Variants in NTRK2 observed in about 807,000 individuals in gnomAD.
The protein encoded by NTRK2 is neurotrophic receptor tyrosine kinase 2, also known as BDNF/NT-3 growth factors receptor.
In NTRK2, 13 loss-of-function variants were observed where a neutral mutation model predicts 94.5. The observed-to-expected ratio is 0.14, with a 90% CI of 0.09 to 0.22. The LOEUF (loss-of-function observed/expected upper bound fraction) is 0.22, where lower values mean the gene tolerates loss of function less well. Among genes scored for constraint, NTRK2 ranks in the 10% least tolerant of loss-of-function variants. The pLI is 1.00. For missense variants in NTRK2, 639 were observed against 1,071.2 expected, an observed-to-expected ratio of 0.60 and a Z score of 5.63; for synonymous variants, 372 against 407.4, an observed-to-expected ratio of 0.91 and a Z score of 1.05.
chr9:84,968,794 T>C (rs1225721474), intron 17 of NTRK2, among the ~76,000 whole-genome samples: 1 of 152,226 alleles, frequency 6.6e-6, no homozygotes, highest in Non-Finnish European at 1.5e-5. Context: ...GTATTATTTA[T>C]TCTGTTTTTG....
chr9:84,872,298 C>T (rs1564414204), intron 14 of NTRK2: 1 of 1,113,480 alleles, frequency 9.0e-7, no homozygotes, highest in Non-Finnish European at 1.1e-6. Context: ...TGAGCTGAAA[C>T]AAACAAACAG....
Position 84,908,737 on chromosome 9 carries a change from C to T in NTRK2, c.1634-25425C>T, listed in dbSNP as rs151040775. On this transcript the variant is annotated intron_variant, in intron 14 of 18. Transcript: ENST00000277120. ...CTTATGATGCAGGTGGGACCAAATCCATAATTGTTAATAATGAATGGTAGC... is the reference window on the plus strand; with the variant it reads ...CTTATGATGCAGGTGGGACCAAATCTATAATTGTTAATAATGAATGGTAGC... Among the ~76,000 whole-genome samples the T allele has an allele frequency of 5.3e-5, 8 of 152,244 alleles. No individual in the cohort carries two copies. The East Asian group carries it at 1.5e-3, about 29-fold the overall frequency.
intron 16 of NTRK2, 115 bp from the exon 17 acceptor site, chr9:84,955,168 A>G (rs1823951539): frequency 1.2e-6 from 1 of 809,590 alleles, no homozygotes; most frequent in African/African-American, 1.7e-5. Flanking sequence ...TAGCACCAGC[A>G]GCTACAGGGT....
At chr9:84,970,130 C>A (rs1826013223) in intron 17 of NTRK2, among the ~76,000 whole-genome samples, 1 of 152,102 alleles carries the variant, frequency 6.6e-6, no homozygotes, top group Non-Finnish European at 1.5e-5. Flanking sequence ...GTGGTTCATG[C>A]CTGTAATTCC....
chr9:85,002,689 G>A (rs1194743118), intron 17 of NTRK2, among the ~76,000 whole-genome samples: 1 of 152,164 alleles, frequency 6.6e-6, no homozygotes, highest in Non-Finnish European at 1.5e-5. Flanking sequence ...TATACTTCTT[G>A]TTATTCGATG....
At chr9:84,718,300 A>G (rs184054364) in intron 6 of NTRK2, among the ~76,000 whole-genome samples, 8 of 152,172 alleles carry the variant, frequency 5.3e-5, no homozygotes, top group Admixed American at 4.6e-4. Context: ...TAGAAATGCA[A>G]ATTCTTAAGC....
At chr9:84,867,911 C>T (rs187959482) in intron 14 of NTRK2, among the ~76,000 whole-genome samples, 8 of 152,270 alleles carry the variant, frequency 5.3e-5, no homozygotes, top group South Asian at 4.2e-4. Flanking sequence ...TTGCTCAGTC[C>T]GAGTTCCCAG....
intron 14 of NTRK2, 29 bp downstream of exon 14, chr9:84,867,460 C>T (rs753413338): frequency 7.6e-6 from 12 of 1,573,966 alleles, no homozygotes; most frequent in Non-Finnish European, 8.7e-6. Flanking sequence ...ACTTATTGTC[C>T]CATTTGCTGC....
At chr9:84,883,711 T>G (rs1397066268) in intron 14 of NTRK2, among the ~76,000 whole-genome samples, 1 of 152,230 alleles carries the variant, frequency 6.6e-6, no homozygotes, top group South Asian at 2.1e-4. Context: ...CCAAAACTCC[T>G]AAGCTTAACT....
chr9:84,769,753 G>A (rs147023346), intron 12 of NTRK2, among the ~76,000 whole-genome samples: 6 of 152,300 alleles, frequency 3.9e-5, no homozygotes, highest in South Asian at 2.1e-4. Context: ...AACCACAACA[G>A]TAGTGGGTTG....
At chr9:84,999,363 A>G (rs1029243638) in intron 17 of NTRK2, among the ~76,000 whole-genome samples, 2 of 152,194 alleles carry the variant, frequency 1.3e-5, no homozygotes, top group East Asian at 3.9e-4. Context: ...TTTAAAAGAG[A>G]ACTCTTGTGA....
intron 17 of NTRK2, among the ~76,000 whole-genome samples, chr9:84,998,154 C>T (rs1205262167): frequency 6.6e-6 from 1 of 152,156 alleles, no homozygotes; most frequent in Non-Finnish European, 1.5e-5. Context: ...ATAAATGATC[C>T]CCTATTCTTC....
intron 12 of NTRK2, among the ~76,000 whole-genome samples, chr9:84,819,451 C>G (rs1426744397): frequency 1.3e-5 from 2 of 152,214 alleles, no homozygotes; most frequent in African/African-American, 2.4e-5. Flanking sequence ...TTTTCAAAGA[C>G]TGCTCTCAAG....
At chr9:84,903,184 C>T (rs1167163776) in intron 14 of NTRK2, among the ~76,000 whole-genome samples, 1 of 152,190 alleles carries the variant, frequency 6.6e-6, no homozygotes, top group Admixed American at 6.5e-5. Context: ...GCAGATGGAA[C>T]ATTTCCATCA....
intron 17 of NTRK2, among the ~76,000 whole-genome samples, chr9:84,989,969 A>G (rs1304105555): frequency 6.6e-6 from 1 of 152,212 alleles, no homozygotes; most frequent in Admixed American, 6.5e-5. Flanking sequence ...TGAGTTGGTA[A>G]TAACAAGTAC....
chr9:85,000,278 G>A (rs780944640), intron 17 of NTRK2, among the ~76,000 whole-genome samples: 6 of 152,060 alleles, frequency 3.9e-5, no homozygotes, highest in Non-Finnish European at 8.8e-5. Context: ...TTACATTAAG[G>A]TTCACTCTTG....
At chr9:84,861,014 A>G in intron 12 of NTRK2, 26 bp from the exon 13 acceptor site, 1 of 1,610,008 alleles carries the variant, frequency 6.2e-7, no homozygotes, top group African/African-American at 1.3e-5. Context: ...TTCGAAGTTT[A>G]TTTTATGTTT....
chr9:84,864,995 TC>T (rs1341890050), intron 13 of NTRK2, among the ~76,000 whole-genome samples: 1 of 152,036 alleles, frequency 6.6e-6, no homozygotes, highest in Non-Finnish European at 1.5e-5. Context: ...TGCCTCGGCC[TC>T]CCAAAGTGCT....
At chr9:84,760,792 A>C (rs2065492938) in intron 12 of NTRK2, among the ~76,000 whole-genome samples, 1 of 152,218 alleles carries the variant, frequency 6.6e-6, no homozygotes, top group Admixed American at 6.5e-5. Context: ...CCCAACACCC[A>C]CTAGCTTAGA....
Sources: gnomAD v4.1 joint callset for allele counts (sites outside exome capture counted in the v4.1 genomes callset) on GRCh38, gnomAD v4.1.1 for gene constraint, MANE v1.5 for transcripts, NCBI Gene and HGNC (gene_info 2026-07-23, HGNC 2026-07-21) for gene names.